Variants in TCF12 observed in about 807,000 individuals in gnomAD.
TCF12 encodes transcription factor 12.
A neutral mutation model predicts 86.0 loss-of-function variants in TCF12; 45 were observed. The ratio of observed to expected loss-of-function variants is 0.52; its 90% CI spans 0.41 to 0.67. The LOEUF is 0.67. Among genes scored for constraint, TCF12 ranks in the 30% least tolerant of loss-of-function variants. The pLI, the probability that TCF12 is intolerant of heterozygous loss-of-function variation, is 0.00. For missense variants in TCF12, 881 were observed against 859.9 expected, an observed-to-expected ratio of 1.02 and a Z score of -0.31; for synonymous variants, 330 against 299.6, an observed-to-expected ratio of 1.10 and a Z score of -1.05.
chr15:57,093,116 T>G (rs2049097368), intron 5 of TCF12, among the ~76,000 whole-genome samples: 1 of 152,194 alleles, frequency 6.6e-6, no homozygotes, highest in Non-Finnish European at 1.5e-5. Flanking sequence ...AATCACAATT[T>G]GTTTCAGCGT....
chr15:57,141,005 T>C (rs1361179245), intron 5 of TCF12, among the ~76,000 whole-genome samples: 5 of 152,184 alleles, frequency 3.3e-5, no homozygotes, highest in African/African-American at 9.7e-5. Flanking sequence ...CTGGTAGGTC[T>C]TTATGATGTG....
chr15:56,927,511 A>C (rs772911749), intron 3 of TCF12, among the ~76,000 whole-genome samples: 1 of 152,162 alleles, frequency 6.6e-6, no homozygotes. Context: ...CCTGTTATTA[A>C]CTTGGCTTAA....
intron 12 of TCF12, among the ~76,000 whole-genome samples, chr15:57,241,682 G>A (rs2059635745): frequency 6.6e-6 from 1 of 152,108 alleles, no homozygotes; most frequent in South Asian, 2.1e-4. Flanking sequence ...CAATTTGAAA[G>A]CCTGTTACCT....
chr15:57,204,098 A>G (rs1566911226), intron 8 of TCF12, among the ~76,000 whole-genome samples: 1 of 152,204 alleles, frequency 6.6e-6, no homozygotes, highest in South Asian at 2.1e-4. Flanking sequence ...TTTGATGCAG[A>G]CAGTTACAAA....
At chr15:57,120,123 AC>A in intron 5 of TCF12, among the ~76,000 whole-genome samples, 1 of 152,306 alleles carries the variant, frequency 6.6e-6, no homozygotes, top group East Asian at 1.9e-4. Context: ...ATCAGTACTT[AC>A]TGCATTTCTG....
chr15:57,062,523 A>T (rs1283897108), intron 3 of TCF12, among the ~76,000 whole-genome samples: 1 of 152,180 alleles, frequency 6.6e-6, no homozygotes, highest in Non-Finnish European at 1.5e-5. Context: ...TAGAGTCCTA[A>T]TAACTAAGTT....
chr15:56,929,637 T>C (rs2060161925), intron 3 of TCF12, among the ~76,000 whole-genome samples: 1 of 152,104 alleles, frequency 6.6e-6, no homozygotes, highest in Non-Finnish European at 1.5e-5. Flanking sequence ...AGAAAATGCA[T>C]TAGAGATTGG....
At chr15:57,119,274 T>A (rs1188832510) in intron 5 of TCF12, among the ~76,000 whole-genome samples, 1 of 151,522 alleles carries the variant, frequency 6.6e-6, no homozygotes, top group African/African-American at 2.4e-5. Context: ...GGTTTTGTTT[T>A]TTTGTTTGTT....
At chr15:57,187,602 G>A (rs1255490706) in intron 6 of TCF12, among the ~76,000 whole-genome samples, 4 of 152,108 alleles carry the variant, frequency 2.6e-5, no homozygotes, top group East Asian at 1.9e-4. Flanking sequence ...CCTGGGCCAC[G>A]TAACCCACAG....
At chr15:56,951,490 G>A (rs1236726936) in intron 3 of TCF12, among the ~76,000 whole-genome samples, 1 of 152,060 alleles carries the variant, frequency 6.6e-6, no homozygotes, top group Non-Finnish European at 1.5e-5. Context: ...CTACTAGGTG[G>A]ATTGTCTTTT....
At chr15:57,208,709 A>ATTTTTT (rs544365470) in intron 8 of TCF12, among the ~76,000 whole-genome samples, 2 of 145,362 alleles carry the variant, frequency 1.4e-5, no homozygotes, top group Admixed American at 6.9e-5. Flanking sequence ...TTAAAAAAAA[A>ATTTTTT]TTTTTTTTTT....
chr15:57,179,752 A>G (rs2151634223), intron 6 of TCF12, among the ~76,000 whole-genome samples: 1 of 152,308 alleles, frequency 6.6e-6, no homozygotes. Context: ...GGAAAGGATT[A>G]GAAGCATCTC....
chr15:57,178,153 A>G (rs1482972315), intron 6 of TCF12, among the ~76,000 whole-genome samples: 5 of 152,204 alleles, frequency 3.3e-5, no homozygotes, highest in African/African-American at 1.2e-4. Context: ...ATTATTGTCA[A>G]TTTTGGAGCA....
intron 3 of TCF12, among the ~76,000 whole-genome samples, chr15:56,969,559 A>G (rs1426381261): frequency 7.3e-5 from 9 of 122,942 alleles, no homozygotes; most frequent in Non-Finnish European, 1.2e-4. Context: ...TTTTTTTGAG[A>G]CGAGATTTCA....
chr15:56,959,034 A>C (rs1047681924), intron 3 of TCF12, among the ~76,000 whole-genome samples: 10 of 152,028 alleles, frequency 6.6e-5, no homozygotes. Flanking sequence ...ATTGGGTCAT[A>C]CCTTATTTTG....
chr15:57,251,362 G>C lies in TCF12; in HGVS notation c.1127G>C (p.Trp376Ser). ...TGGGTTTTAACAGGTACCAGTCAGT[G>C]GCCAAGACCTGGAGGGCAAGCACCT... The part of the protein sequence containing the change: ...SPSPLTGTSQ[W>S]PRPGGQAPSS... Residue 376 changes from tryptophan (W) to serine (S), a missense_variant, in exon 14 of 21, where the codon TGG (tryptophan) becomes TCG (serine). Physicochemically the swap from Trp to Ser is radical, Grantham distance 177. Transcript: ENST00000333725. 1 of 1,613,922 alleles carries C rather than the reference G, an allele frequency of 6.2e-7. No homozygotes were observed. Among genetic ancestry groups the C allele is most frequent in the Non-Finnish European group, 8.5e-7 (1 of 1,179,886 alleles).
At chr15:57,084,920 G>A (rs4320591) in intron 4 of TCF12, among the ~76,000 whole-genome samples, 6,110 of 152,120 alleles carry the variant, frequency 0.04, 368 homozygotes, top group Admixed American at 0.17. Flanking sequence ...CCTAAAAAAT[G>A]TTTAGATATG....
intron 5 of TCF12, among the ~76,000 whole-genome samples, chr15:57,121,592 G>A (rs1401842219): frequency 6.6e-6 from 1 of 152,108 alleles, no homozygotes; most frequent in African/African-American, 2.4e-5. Context: ...TTTATCTCTT[G>A]CCCTTCTGCC....
At chr15:57,029,595 T>C (rs1189805830) in intron 3 of TCF12, among the ~76,000 whole-genome samples, 5 of 152,232 alleles carry the variant, frequency 3.3e-5, no homozygotes, top group African/African-American at 1.2e-4. Context: ...TATTTAAAAA[T>C]TAACATGGAG....
Sources: gnomAD v4.1 joint callset for allele counts (sites outside exome capture counted in the v4.1 genomes callset) on GRCh38, gnomAD v4.1.1 for gene constraint, MANE v1.5 for transcripts, NCBI Gene and HGNC (gene_info 2026-07-23, HGNC 2026-07-21) for gene names.